Variants in CES5A observed in about 807,000 individuals in gnomAD.
CES5A encodes the protein carboxylesterase 5A, also known as carboxylesterase 5.
In CES5A, 67 loss-of-function variants were observed where a neutral mutation model predicts 62.9. The ratio of observed to expected loss-of-function variants is 1.07; its 90% CI spans 0.88 to 1.31. The LOEUF is 1.31. Ranked by LOEUF, CES5A falls within the 50% of genes most tolerant of loss-of-function variation. The probability of loss-of-function intolerance (pLI) is 0.00; values close to 1 mark genes in which losing one functional copy is unlikely to be tolerated. For synonymous variants in CES5A, 296 were observed against 280.8 expected, an observed-to-expected ratio of 1.05 and a Z score of -0.54; for missense variants, 748 against 708.5, an observed-to-expected ratio of 1.06 and a Z score of -0.63.
chr16:55,860,047 A>C (rs1597116220), intron 7 of CES5A, among the ~76,000 whole-genome samples: 1 of 152,154 alleles, frequency 6.6e-6, no homozygotes, highest in Admixed American at 6.5e-5. Context: ...GGACCTGGTG[A>C]GAGGTAATTG....
At chr16:55,882,986 A>T (rs2033777309) in intron 1 of CES5A, among the ~76,000 whole-genome samples, 1 of 152,190 alleles carries the variant, frequency 6.6e-6, no homozygotes, top group Non-Finnish European at 1.5e-5. Flanking sequence ...GTAACTGAAT[A>T]TTTTTCATCC....
Position 55,856,436 on chromosome 16 carries a change from G to T in CES5A, c.1066C>A (p.Pro356Thr), listed in dbSNP as rs1199637805. 1.9e-6 allele frequency: 3 copies of T among 1,614,070 alleles called. No homozygotes were observed. Among genetic ancestry groups the T allele is most frequent in the Non-Finnish European group, 1.7e-6 (2 of 1,179,978 alleles). ...CGFLLPMKEA[P>T]EILSGSNKSL... The stretch of plus-strand genomic sequence containing the variant: ...TTGTTGGAGCCACTGAGGATCTCAG[G>T]AGCCTCCTTCTGTGGAGAGAAGCGT... The change falls in exon 9 of 13, where the codon CCT becomes ACT. Residue 356 changes from proline to threonine, a missense_variant. Pro to Thr is a conservative substitution (Grantham distance 38). Coordinates refer to ENST00000290567, the MANE Select transcript of CES5A (RefSeq NM_001143685.2).
Position 55,952,785 on chromosome 16 carries a change from C to T in CES5A, c.43-2883G>A, listed in dbSNP as rs147880374. 4.3e-3 allele frequency among the ~76,000 whole-genome samples: 652 copies of T among 152,144 alleles called. 6 individuals are homozygous for T. The highest frequency in any genetic ancestry group is 0.02 in the East Asian group (106 of 5,186). ...TAAAATAGTAATTTAAGATCTACCC[C>T]CACTAAAGTGCACCAGAGTAAGAAA... On this transcript the variant is annotated intron_variant, in intron 1 of 13. Coordinates refer to the CES5A transcript ENST00000521992.
At chr16:55,879,376 C>T (rs557795732), upstream of CES5A, among the ~76,000 whole-genome samples, 8 of 151,984 alleles carry the variant, frequency 5.3e-5, no homozygotes, top group African/African-American at 1.7e-4. Flanking sequence ...CATTACTGCG[C>T]CCTACCACTG....
chr16:55,870,833 T>C (rs1476881779), intron 3 of CES5A, among the ~76,000 whole-genome samples: 1 of 152,222 alleles, frequency 6.6e-6, no homozygotes, highest in Non-Finnish European at 1.5e-5. Flanking sequence ...AAGGTCATAT[T>C]AGAGATTACA....
At chr16:55,951,816 A>T (rs1299662430) in intron 1 of CES5A, among the ~76,000 whole-genome samples, 3 of 152,216 alleles carry the variant, frequency 2.0e-5, no homozygotes, top group African/African-American at 7.2e-5. Flanking sequence ...TGAAGGATAT[A>T]CACAGAGAAA....
Position 55,863,457 on chromosome 16 carries a change from A to G in CES5A, c.706-5T>C. 1 of 1,478,012 alleles carries G rather than the reference A, an allele frequency of 6.8e-7. No homozygotes were observed. The highest frequency in any genetic ancestry group is 1.4e-5 in the African/African-American group (1 of 72,300). 91.6% of individuals were successfully genotyped at this position (1,478,012 alleles called of 1,614,324 possible). ...TTTGGCCATGGGAGACAGTATCTGGAGAGAGAACACAGAAGACCCAGGAAA... is the reference window on the plus strand; with the variant it reads ...TTTGGCCATGGGAGACAGTATCTGGGGAGAGAACACAGAAGACCCAGGAAA... On this transcript the variant is annotated splice_region_variant and splice_polypyrimidine_tract_variant and intron_variant, in intron 5 of 12. Transcript: ENST00000290567.
intron 1 of CES5A, among the ~76,000 whole-genome samples, chr16:55,899,892 C>G (rs1349559177): frequency 1.3e-5 from 2 of 152,160 alleles, no homozygotes; most frequent in African/African-American, 4.8e-5. Context: ...TATAAAAACA[C>G]CCAGTGATTT....
chr16:55,863,523 A>T (rs1431926071), intron 5 of CES5A, 71 bp from the exon 6 acceptor site: 10 of 829,780 alleles, frequency 1.2e-5, no homozygotes, highest in Non-Finnish European at 2.1e-5. Flanking sequence ...ATCCCTCTTC[A>T]AAGAAACCTT....
upstream of CES5A, among the ~76,000 whole-genome samples, chr16:55,929,220 G>A (rs1440279595): frequency 1.3e-5 from 2 of 152,196 alleles, no homozygotes; most frequent in African/African-American, 2.4e-5. Context: ...AGGCATGGCC[G>A]AGTCAGACCA....
intron 1 of CES5A, among the ~76,000 whole-genome samples, chr16:55,900,396 G>A (rs776907625): frequency 1.3e-5 from 2 of 152,190 alleles, no homozygotes; most frequent in Non-Finnish European, 1.5e-5. Flanking sequence ...CAAGACAGAA[G>A]AGGCATGTGA....
chr16:55,861,203 A>C (rs138247020), intron 7 of CES5A, among the ~76,000 whole-genome samples: 349 of 152,344 alleles, frequency 2.3e-3, no homozygotes, highest in African/African-American at 8.1e-3. Context: ...AATCTTCTCC[A>C]GGCTAAGTTG....
chr16:55,889,632 C>A (rs1461064742), intron 1 of CES5A, among the ~76,000 whole-genome samples: 4 of 151,918 alleles, frequency 2.6e-5, no homozygotes, highest in African/African-American at 9.7e-5. Context: ...ACATGTTCAG[C>A]TATCCAGAAG....
At chr16:55,881,118 G>A (rs1028994132) in intron 1 of CES5A, among the ~76,000 whole-genome samples, 1 of 152,100 alleles carries the variant, frequency 6.6e-6, no homozygotes, top group Non-Finnish European at 1.5e-5. Context: ...CTGGCAGAAG[G>A]AAGCCTCTCC....
intron 1 of CES5A, among the ~76,000 whole-genome samples, chr16:55,912,661 T>G (rs2034106768): frequency 6.6e-6 from 1 of 151,662 alleles, no homozygotes; most frequent in South Asian, 2.1e-4. Context: ...GGAGAAGAAA[T>G]AGCGACCTGG....
chr16:55,859,544 T>TGG lies in CES5A; in HGVS notation c.1056+2_1056+3insCC. ...TGGCAGTATGGACAGCCAGAATTCT[T>TGG]ACCATAGGCAGCAGGAAGCCACACT... On this transcript the variant is annotated splice_region_variant and intron_variant, in intron 8 of 12. Coordinates refer to ENST00000290567, the MANE Select transcript of CES5A (RefSeq NM_001143685.2). The TGG allele has an allele frequency of 3.7e-6, 6 of 1,610,554 alleles. No homozygotes were observed. The highest frequency in any genetic ancestry group is 5.1e-6 in the Non-Finnish European group (6 of 1,179,288).
chr16:55,895,721 T>C (rs1267808172), intron 1 of CES5A, among the ~76,000 whole-genome samples: 6 of 152,222 alleles, frequency 3.9e-5, no homozygotes, highest in Admixed American at 3.9e-4. Flanking sequence ...GATAGAATGA[T>C]TGTATTTTAC....
intron 3 of CES5A, among the ~76,000 whole-genome samples, chr16:55,871,179 C>G (rs141054698): frequency 6.6e-6 from 1 of 152,282 alleles, no homozygotes; most frequent in East Asian, 1.9e-4. Context: ...ATAGAACATG[C>G]CTTTCCCCCA....
At chr16:55,867,498 C>T (rs1320940642) in intron 4 of CES5A, among the ~76,000 whole-genome samples, 4 of 152,196 alleles carry the variant, frequency 2.6e-5, no homozygotes, top group Non-Finnish European at 5.9e-5. Flanking sequence ...CTCCAGACTG[C>T]TCCTTCCCCT....
Sources: gnomAD v4.1 joint callset for allele counts (sites outside exome capture counted in the v4.1 genomes callset) on GRCh38, gnomAD v4.1.1 for gene constraint, MANE v1.5 for transcripts, NCBI Gene and HGNC (gene_info 2026-07-23, HGNC 2026-07-21) for gene names.